CALN1: variants seen among roughly 807,000 people sequenced by gnomAD.
CALN1 encodes calcium-binding protein 8.
In CALN1, 17 loss-of-function variants were observed where a neutral mutation model predicts 30.6. That is an observed-to-expected ratio of 0.56 (90% confidence interval 0.38 to 0.83). The LOEUF is 0.83. Ranked by LOEUF, CALN1 falls within the 40% of genes least tolerant of loss-of-function variation. The probability of loss-of-function intolerance (pLI) is 0.00; values close to 1 mark genes in which losing one functional copy is unlikely to be tolerated. For missense variants in CALN1, 291 were observed against 354.9 expected (o/e 0.82, Z 1.45); for synonymous variants, 156 against 131.4 (o/e 1.19, Z -1.28).
chr7:72,205,552 AT>A (rs375388523), intron 3 of CALN1, among the ~76,000 whole-genome samples: 6,076 of 61,614 alleles, frequency 0.099, 864 homozygotes, highest in East Asian at 0.44. Context: ...CAAAAAAAAA[AT>A]ATATATATAT....
intron 6 of CALN1, among the ~76,000 whole-genome samples, chr7:71,801,428 G>C (rs11764942): frequency 0.58 from 50,661 of 86,778 alleles, 15,569 homozygotes; most frequent in East Asian, 0.64. Flanking sequence ...ATGTATGTAT[G>C]TATCTATCTA....
intron 3 of CALN1, among the ~76,000 whole-genome samples, chr7:72,167,299 A>G (rs542659015): frequency 4.4e-4 from 67 of 152,280 alleles, no homozygotes; most frequent in Non-Finnish European, 6.6e-4. Context: ...ACAATAGTAG[A>G]TTGAGAATCA....
intron 2 of CALN1, among the ~76,000 whole-genome samples, chr7:72,387,343 T>C (rs1345375952): frequency 6.9e-6 from 1 of 144,590 alleles, no homozygotes; most frequent in Non-Finnish European, 1.5e-5. Context: ...TTCCATAATT[T>C]ATAGGTAATC....
At chr7:72,317,274 AGGAAG>A (rs372479660) in intron 2 of CALN1, among the ~76,000 whole-genome samples, 100 of 146,090 alleles carry the variant, frequency 6.8e-4, no homozygotes, top group African/African-American at 2.4e-3. Context: ...GGAGGGAGGG[AGGAAG>A]GGAAGGGAAG....
At chr7:71,866,194 A>G (rs1382997643) in intron 5 of CALN1, among the ~76,000 whole-genome samples, 1 of 151,818 alleles carries the variant, frequency 6.6e-6, no homozygotes, top group South Asian at 2.1e-4. Flanking sequence ...TTTTTAGTAG[A>G]GATGGGGTTT....
chr7:72,142,005 G>A (rs1809976662), intron 3 of CALN1, among the ~76,000 whole-genome samples: 1 of 152,192 alleles, frequency 6.6e-6, no homozygotes. Flanking sequence ...TTCCAAGATG[G>A]CCGAATAGGA....
chr7:72,194,230 T>C (rs1394476990), intron 3 of CALN1, among the ~76,000 whole-genome samples: 1 of 152,210 alleles, frequency 6.6e-6, no homozygotes, highest in Non-Finnish European at 1.5e-5. Context: ...GCTATGCCAT[T>C]AACCAAGGCT....
At chr7:72,402,004 G>A (rs1806373908) in intron 2 of CALN1, among the ~76,000 whole-genome samples, 1 of 152,178 alleles carries the variant, frequency 6.6e-6, no homozygotes, top group Non-Finnish European at 1.5e-5. Flanking sequence ...TCCTCTCCTG[G>A]AAGGGATGAG....
rs961246266 is a variant in CALN1 at position 71,795,017 on chromosome 7, T to TTTTTC, written c.659-7120_659-7116dup. Reference sequence around the variant, plus strand: ...TGGTGCCTTCTGATCTTGCCTATTTTTTTTCTTTTCTTTTTTTCTTTTTTG... The same window carrying TTTTTC: ...TGGTGCCTTCTGATCTTGCCTATTTTTTTTCTTTTCTTTTCTTTTTTTCTTTTTTG... On this transcript the variant is annotated intron_variant, in intron 6 of 6. Transcript: ENST00000395275. Among the ~76,000 whole-genome samples the TTTTTC allele has an allele frequency of 6.4e-4, 97 of 152,170 alleles. No homozygotes were observed. In the Middle Eastern group the frequency reaches 0.014, roughly 21 times the overall value.
chr7:72,253,444 A>G (rs1030740580), intron 3 of CALN1, among the ~76,000 whole-genome samples: 4 of 152,250 alleles, frequency 2.6e-5, no homozygotes, highest in African/African-American at 9.6e-5. Flanking sequence ...TATAAAGGAA[A>G]GCAGTTTACT....
At chr7:71,857,231 C>T (rs1373548353) in intron 5 of CALN1, among the ~76,000 whole-genome samples, 1 of 152,058 alleles carries the variant, frequency 6.6e-6, no homozygotes, top group African/African-American at 2.4e-5. Flanking sequence ...CACAAATGGG[C>T]TAAGTGAATT....
intron 2 of CALN1, among the ~76,000 whole-genome samples, chr7:72,356,187 A>C (rs1184288483): frequency 6.6e-6 from 1 of 152,204 alleles, no homozygotes; most frequent in Non-Finnish European, 1.5e-5. Context: ...GAATTGCTAT[A>C]GTGAGCTATT....
chr7:72,161,500 C>T (rs1283849316), intron 3 of CALN1, among the ~76,000 whole-genome samples: 1 of 152,148 alleles, frequency 6.6e-6, no homozygotes, highest in Non-Finnish European at 1.5e-5. Flanking sequence ...ATTCTATTTG[C>T]TTAAGGCACT....
At chr7:72,404,365 A>G (rs1267027851) in intron 1 of CALN1, among the ~76,000 whole-genome samples, 4 of 152,234 alleles carry the variant, frequency 2.6e-5, no homozygotes. Flanking sequence ...TGTATTGAAC[A>G]CACAGTTAAT....
intron 3 of CALN1, among the ~76,000 whole-genome samples, chr7:72,129,950 C>T (rs988348032): frequency 3.3e-5 from 5 of 152,138 alleles, no homozygotes; most frequent in African/African-American, 9.7e-5. Flanking sequence ...GTCTCGGTCA[C>T]GAGGGCAGAT....
At chr7:72,131,278 A>C (rs550602060) in intron 3 of CALN1, among the ~76,000 whole-genome samples, 2 of 152,292 alleles carry the variant, frequency 1.3e-5, no homozygotes, top group African/African-American at 4.8e-5. Flanking sequence ...AGATCCTTAA[A>C]GATGAATGGT....
chr7:72,324,137 T>G (rs894159305), intron 2 of CALN1, among the ~76,000 whole-genome samples: 1 of 152,090 alleles, frequency 6.6e-6, no homozygotes, highest in East Asian at 1.9e-4. Flanking sequence ...GGCTGTACAG[T>G]GGAATCACCA....
At chr7:72,491,226 CAA>C in the CALN1 span, among the ~76,000 whole-genome samples, 60 of 132,192 alleles carry the variant, frequency 4.5e-4, no homozygotes, top group African/African-American at 1.4e-3. Context: ...GACTCCGTCT[CAA>C]AAAAAAAAAA....
At chr7:71,788,132 A>G (rs926755314) in intron 6 of CALN1, among the ~76,000 whole-genome samples, 1 of 152,232 alleles carries the variant, frequency 6.6e-6, no homozygotes, top group Non-Finnish European at 1.5e-5. Flanking sequence ...GAAAACTTCT[A>G]TAACAAGAAT....
Sources: gnomAD v4.1 joint callset for allele counts (sites outside exome capture counted in the v4.1 genomes callset) on GRCh38, gnomAD v4.1.1 for gene constraint, MANE v1.5 for transcripts, NCBI Gene and HGNC (gene_info 2026-07-23, HGNC 2026-07-21) for gene names.